Variants in PRC1 observed in about 807,000 individuals in gnomAD.
PRC1 encodes the protein protein regulator of cytokinesis 1.
In PRC1, 54 loss-of-function variants were observed where a neutral mutation model predicts 91.2. That is an observed-to-expected ratio of 0.59 (90% confidence interval 0.48 to 0.74). PRC1 has a LOEUF of 0.74. Among genes scored for constraint, PRC1 ranks in the 30% least tolerant of loss-of-function variants. The probability of loss-of-function intolerance (pLI) is 0.00; values close to 1 mark genes in which losing one functional copy is unlikely to be tolerated. For missense variants in PRC1, 727 were observed against 746.2 expected, an observed-to-expected ratio of 0.97 and a Z score of 0.30; for synonymous variants, 275 against 263.6, an observed-to-expected ratio of 1.04 and a Z score of -0.42.
In PRC1 at chr15:90,984,200, C is replaced by T; in HGVS notation, c.145-60G>A. ...AATGGAGGAAAAAAACTCCCAACAC[C>T]AATACCAAACTCCTCAAATTTCTTT... is the stretch of plus-strand genomic sequence containing the variant. On this transcript the variant is annotated intron_variant, in intron 2 of 14. Coordinates refer to ENST00000394249, the MANE Select transcript of PRC1 (RefSeq NM_003981.4). This position sits in a 1 kb window ranked among gnomAD's most constrained non-coding sequence, Gnocchi z 5.1. The T allele has an allele frequency of 1.9e-6, 3 of 1,565,162 alleles. No homozygotes were observed. Among genetic ancestry groups the T allele is most frequent in the Non-Finnish European group, 2.6e-6 (3 of 1,152,466 alleles).
At chr15:90,967,545 T>C in intron 14 of PRC1, 1 of 200,530 alleles carries the variant, frequency 5.0e-6, no homozygotes, top group Non-Finnish European at 1.0e-5. Context: ...CATAAGATTA[T>C]ACCATATTTT....
chr15:90,970,302 C>T, intron 12 of PRC1, 102 bp downstream of exon 12: 1 of 880,322 alleles, frequency 1.1e-6, no homozygotes, highest in Non-Finnish European at 1.8e-6. Flanking sequence ...TCAATAAGAA[C>T]CAAATCCAGG....
intron 12 of PRC1, 138 bp from the exon 13 acceptor site, chr15:90,969,761 A>ACC (rs1567179447): frequency 6.9e-6 from 1 of 144,052 alleles, no homozygotes; most frequent in Non-Finnish European, 1.4e-5. Flanking sequence ...TTAAAAAAAA[A>ACC]ACATATATAT....
rs557613479 is a variant in PRC1 at position 90,980,615 on chromosome 15, G to A, written c.823-226C>T. On this transcript the variant is annotated intron_variant, in intron 6 of 14. Transcript: ENST00000394249. The stretch of plus-strand genomic sequence containing the variant: ...CTCACTGCAACCCTCCACCTCCCAG[G>A]CTCAAGCGATTCTCCTGTCTCAGCC... 7.5e-5 allele frequency: 51 copies of A among 677,204 alleles called. No individual in the cohort carries two copies. The South Asian group carries it at 9.4e-4, about 12-fold the overall frequency. The allele number at this position is 677,204 out of a possible 1,614,324, so 41.9% of individuals were successfully genotyped here. A position where few individuals can be genotyped will look rare whatever the true frequency, so the allele number is the denominator to read the frequency against.
At chr15:90,981,143 G>T in intron 5 of PRC1, 110 bp from the exon 6 acceptor site, 1 of 1,422,016 alleles carries the variant, frequency 7.0e-7, no homozygotes, top group Non-Finnish European at 9.5e-7. Context: ...ACTTTCATGA[G>T]AGTTCAAAGT....
At chr15:90,976,632 T>C in intron 9 of PRC1, 44 bp downstream of exon 9, 1 of 1,398,738 alleles carries the variant, frequency 7.1e-7, no homozygotes, top group South Asian at 1.2e-5. Flanking sequence ...AATAGTGAGG[T>C]ATCTTTGTAA....
intron 1 of PRC1, among the ~76,000 whole-genome samples, chr15:90,986,767 GTA>G (rs2039605061): frequency 6.6e-6 from 1 of 151,834 alleles, no homozygotes; most frequent in Admixed American, 6.6e-5. Context: ...TTATACAACA[GTA>G]TACAATTGAA....
Position 90,976,667 on chromosome 15 carries a change from C to T in PRC1, c.1203+9G>A, listed in dbSNP as rs757752932. ...ACCAAGCATCAAAAACCCTTAGCAA[C>T]ATTATTACCTTGGGCAGCATTTTCT... On this transcript the variant is annotated intron_variant, in intron 9 of 14. Coordinates refer to ENST00000394249, the MANE Select transcript of PRC1 (RefSeq NM_003981.4). 6.3e-7 allele frequency: 1 copy of T among 1,595,476 alleles called. No homozygotes were observed. The highest frequency in any genetic ancestry group is 8.6e-7 in the Non-Finnish European group (1 of 1,164,254).
At chr15:90,993,672 C>A (rs1236823306) in intron 1 of PRC1, among the ~76,000 whole-genome samples, 2 of 152,190 alleles carry the variant, frequency 1.3e-5, no homozygotes, top group Non-Finnish European at 2.9e-5. Context: ...CCCAACACCG[C>A]CTAGGAAGTT....
chr15:90,979,396 A>C lies in PRC1; in HGVS notation c.971-102T>G, dbSNP rs375205929. On this transcript the variant is annotated intron_variant, in intron 7 of 14. Transcript: ENST00000394249. The stretch of plus-strand genomic sequence containing the variant: ...TAAAATGGAAATAGATTCTTTCCTT[A>C]TAGTAAACTGATACAGGAAGAGGCG... 4.3e-5 allele frequency: 56 copies of C among 1,305,916 alleles called. No individual in the cohort carries two copies. In the African/African-American group the frequency reaches 7.1e-4, roughly 17 times the overall value. 80.9% of individuals were successfully genotyped at this position (1,305,916 alleles called of 1,614,324 possible). A position where few individuals can be genotyped will look rare whatever the true frequency, so the allele number is the denominator to read the frequency against.
At chr15:90,969,339 C>T in intron 13 of PRC1, 108 bp downstream of exon 13, 4 of 1,404,998 alleles carry the variant, frequency 2.8e-6, no homozygotes. Context: ...TTCTCAGCCT[C>T]CAAGGTAGCT....
chr15:90,970,190 T>C (rs1321705022), intron 12 of PRC1, among the ~76,000 whole-genome samples: 1 of 152,146 alleles, frequency 6.6e-6, no homozygotes, highest in Non-Finnish European at 1.5e-5. Context: ...GTGCTTCCCA[T>C]GGTACCAGTG....
intron 1 of PRC1, among the ~76,000 whole-genome samples, chr15:90,991,194 T>A (rs1027130455): frequency 2.0e-5 from 3 of 151,448 alleles, no homozygotes; most frequent in Non-Finnish European, 4.4e-5. Context: ...GGCGGGCGGA[T>A]CACCTGAGAT....
chr15:90,972,853 C>G (rs1271729877), intron 11 of PRC1: 1 of 152,202 alleles, frequency 6.6e-6, no homozygotes, highest in African/African-American at 2.4e-5. Flanking sequence ...ATCTCTTGGT[C>G]TTACAGGGAA....
chr15:90,983,730 C>T (rs758107894), intron 3 of PRC1: 2 of 221,774 alleles, frequency 9.0e-6, no homozygotes, highest in Non-Finnish European at 1.8e-5. Context: ...CTACCTTTTT[C>T]TCAGCGTTTA....
At chr15:90,982,294 C>G (rs2039259522) in intron 3 of PRC1, among the ~76,000 whole-genome samples, 1 of 152,196 alleles carries the variant, frequency 6.6e-6, no homozygotes, top group Non-Finnish European at 1.5e-5. Context: ...GTTGTGCAAT[C>G]ATAACCATCA....
intron 1 of PRC1, among the ~76,000 whole-genome samples, chr15:90,986,450 C>T (rs958418228): frequency 3.9e-5 from 6 of 152,128 alleles, no homozygotes; most frequent in African/African-American, 1.4e-4. Context: ...TGGGGAAACC[C>T]TGTCTCTACT....
At chr15:90,993,894 C>A (rs916674980) in intron 1 of PRC1, among the ~76,000 whole-genome samples, 2 of 150,938 alleles carry the variant, frequency 1.3e-5, no homozygotes, top group Non-Finnish European at 2.9e-5. Flanking sequence ...ACCAGCCTGG[C>A]CAACATAGAC....
intron 6 of PRC1, 123 bp from the exon 7 acceptor site, chr15:90,980,512 CTTTTTTTTT>C (rs35250469): frequency 6.9e-5 from 34 of 492,812 alleles, no homozygotes; most frequent in Middle Eastern, 4.8e-4. Flanking sequence ...TAAATCAACA[CTTTTTTTTT>C]TTTTTTTTTT....
Sources: gnomAD v4.1 joint callset for allele counts (sites outside exome capture counted in the v4.1 genomes callset) on GRCh38, gnomAD v4.1.1 for gene constraint, Gnocchi (gnomAD v3.1) non-coding constraint, MANE v1.5 for transcripts, NCBI Gene and HGNC (gene_info 2026-07-23, HGNC 2026-07-21) for gene names.